The following NT5C3A variants were observed in gnomAD, a reference collection of about 807,000 sequenced individuals.
The protein encoded by NT5C3A is cytosolic 5'-nucleotidase 3A.
A neutral mutation model predicts 40.0 loss-of-function variants in NT5C3A; 23 were observed. The ratio of observed to expected loss-of-function variants is 0.58; its 90% confidence interval spans 0.41 to 0.81. NT5C3A has a LOEUF of 0.81. Among genes scored for constraint, NT5C3A ranks in the 40% least tolerant of loss-of-function variants. The pLI is 0.00. For synonymous variants in NT5C3A, 130 were observed against 141.4 expected (o/e 0.92, Z 0.57); for missense variants, 328 against 403.0 (o/e 0.81, Z 1.59).
chr7:33,024,432 T>A (rs1205007789), intron 2 of NT5C3A, among the ~76,000 whole-genome samples: 2 of 151,578 alleles, frequency 1.3e-5, no homozygotes, highest in Non-Finnish European at 2.9e-5. Context: ...GGTCATTATC[T>A]TAAGTGAAAT....
intron 1 of NT5C3A, among the ~76,000 whole-genome samples, chr7:33,055,687 C>T (rs533840424): frequency 3.3e-5 from 5 of 152,210 alleles, no homozygotes; most frequent in Non-Finnish European, 7.3e-5. Context: ...CCTTGGTATC[C>T]TTATGGCCCT....
At chr7:33,041,858 C>T (rs958620364) in intron 1 of NT5C3A, among the ~76,000 whole-genome samples, 2 of 151,964 alleles carry the variant, frequency 1.3e-5, no homozygotes, top group African/African-American at 4.8e-5. Context: ...GCTGTGGGAA[C>T]CTTTATCATT....
intron 1 of NT5C3A, among the ~76,000 whole-genome samples, chr7:33,034,765 G>A (rs1362068811): frequency 6.6e-6 from 1 of 152,092 alleles, no homozygotes; most frequent in Non-Finnish European, 1.5e-5. Flanking sequence ...GCTGTGTCAC[G>A]CTCTAGTTTA....
At chr7:33,039,657 G>A (rs1337384988) in intron 1 of NT5C3A, among the ~76,000 whole-genome samples, 1 of 144,532 alleles carries the variant, frequency 6.9e-6, no homozygotes, top group Non-Finnish European at 1.5e-5. Context: ...TAATAATTTG[G>A]TGGGGCATTT....
At chr7:33,021,128 C>G in intron 5 of NT5C3A, 144 bp downstream of exon 5, 2 of 1,031,806 alleles carry the variant, frequency 1.9e-6, no homozygotes, top group Non-Finnish European at 2.7e-6. Context: ...ATAATTAGAG[C>G]TCATTTTGTT....
chr7:33,016,070 T>C, intron 7 of NT5C3A, 200 bp from the exon 8 acceptor site: 1 of 573,726 alleles, frequency 1.7e-6, no homozygotes, highest in Non-Finnish European at 3.1e-6. Context: ...ATTTTTTAGA[T>C]ACTATTTTAA....
intron 1 of NT5C3A, among the ~76,000 whole-genome samples, chr7:33,042,378 TC>T (rs1228350012): frequency 1.3e-5 from 2 of 151,738 alleles, no homozygotes; most frequent in Non-Finnish European, 2.9e-5. Context: ...AACAAAACTA[TC>T]CAAATTTGTA....
intron 8 of NT5C3A, among the ~76,000 whole-genome samples, chr7:33,015,326 G>C (rs563146258): frequency 2.6e-4 from 40 of 152,316 alleles, no homozygotes; most frequent in African/African-American, 9.6e-4. Flanking sequence ...CAAGCACTTT[G>C]AGAGGCCTGG....
rs913943190 is a variant in NT5C3A, at chr7:33,029,874, G to T, written c.139-2959C>A. On this transcript the variant is annotated intron_variant, in intron 1 of 8. Coordinates refer to ENST00000610140, the MANE Select transcript of NT5C3A (RefSeq NM_001002010.5). ...AAGCCACCATGCCCAGCCAATACTG[G>T]TTTACTTTAAATCACAATGGATGAA... is the stretch of plus-strand genomic sequence containing the variant. Among the ~76,000 whole-genome samples, 3 of 152,252 alleles carry T rather than the reference G, an allele frequency of 2.0e-5. No individual in the cohort carries two copies. The East Asian group carries it at 5.8e-4, about 29-fold the overall frequency.
At chr7:33,060,143 G>A (rs1409459341) in intron 1 of NT5C3A, among the ~76,000 whole-genome samples, 2 of 152,118 alleles carry the variant, frequency 1.3e-5, no homozygotes, top group African/African-American at 4.8e-5. Context: ...TGTAGAGAAA[G>A]GGTCTCCCTA....
At chr7:33,032,419 T>C (rs1786321847) in intron 1 of NT5C3A, among the ~76,000 whole-genome samples, 1 of 78,508 alleles carries the variant, frequency 1.3e-5, no homozygotes. Context: ...TGAGACTCGG[T>C]CTCCAAAAAA....
intron 1 of NT5C3A, among the ~76,000 whole-genome samples, chr7:33,055,806 G>A (rs1285490899): frequency 6.6e-6 from 1 of 152,128 alleles, no homozygotes. Flanking sequence ...TCTTAGTCAA[G>A]TGCAACTAAT....
intron 1 of NT5C3A, among the ~76,000 whole-genome samples, chr7:33,028,924 G>A (rs565603978): frequency 1.3e-5 from 2 of 151,894 alleles, no homozygotes; most frequent in East Asian, 3.9e-4. Context: ...GCGTGGTGGC[G>A]GGTGCCTGTA....
chr7:33,047,785 G>A (rs1185873899), intron 1 of NT5C3A, among the ~76,000 whole-genome samples: 1 of 152,060 alleles, frequency 6.6e-6, no homozygotes, highest in Non-Finnish European at 1.5e-5. Context: ...AACGTGTATT[G>A]TATGATATAA....
At chr7:33,019,449 C>A (rs1785508621) in intron 6 of NT5C3A, among the ~76,000 whole-genome samples, 186 bp downstream of exon 6, 1 of 152,070 alleles carries the variant, frequency 6.6e-6, no homozygotes, top group South Asian at 2.1e-4. Context: ...ACTACCTACA[C>A]CAAGATCTAA....
chr7:33,056,848 G>A (rs1313728262), intron 1 of NT5C3A, among the ~76,000 whole-genome samples: 1 of 152,006 alleles, frequency 6.6e-6, no homozygotes, highest in Non-Finnish European at 1.5e-5. Context: ...TTTTGCTCTT[G>A]TTCCCCTGGC....
intron 1 of NT5C3A, chr7:33,029,658 A>G: frequency 7.8e-7 from 1 of 1,290,084 alleles, no homozygotes; most frequent in South Asian, 1.2e-5. Flanking sequence ...CAAGTTTTTG[A>G]TAACGGATAG....
intron 1 of NT5C3A, chr7:33,035,785 T>G (rs556253613): frequency 2.8e-6 from 2 of 707,096 alleles, no homozygotes; most frequent in East Asian, 5.0e-5. Flanking sequence ...GAAATTCAAT[T>G]CAATAAGTAT....
At chr7:33,039,724 C>A (rs544886002) in intron 1 of NT5C3A, among the ~76,000 whole-genome samples, 1 of 151,612 alleles carries the variant, frequency 6.6e-6, no homozygotes, top group South Asian at 2.1e-4. Context: ...GAAACACACA[C>A]GCTGCAAAGT....
Sources: allele counts gnomAD v4.1 joint callset (sites outside exome capture counted in the v4.1 genomes callset), GRCh38; gene constraint gnomAD v4.1.1; transcripts MANE v1.5; gene names NCBI Gene and HGNC (gene_info 2026-07-23, HGNC 2026-07-21).